KIAA2012: variants seen among roughly 807,000 people sequenced by gnomAD.
KIAA2012 encodes the protein uncharacterized protein KIAA2012.
KIAA2012 carries 125 observed loss-of-function variants against 150.6 expected under a neutral mutation model. That is an observed-to-expected ratio of 0.83 (90% CI 0.72 to 0.96). KIAA2012 has a LOEUF of 0.96. Among genes scored for constraint, KIAA2012 ranks in the 40% least tolerant of loss-of-function variants. The probability of loss-of-function intolerance (pLI) is 0.00; values close to 1 mark genes in which losing one functional copy is unlikely to be tolerated. For missense variants in KIAA2012, 1,219 were observed against 1,354.9 expected (o/e 0.90, Z 1.57); for synonymous variants, 462 against 504.7 (o/e 0.92, Z 1.13).
At chr2:202,136,859 A>G (rs927563276) in intron 12 of KIAA2012, 5 of 152,292 alleles carry the variant, frequency 3.3e-5, no homozygotes, top group Admixed American at 2.6e-4. Context: ...GAGAGTAAGC[A>G]AGGGCTGCTA....
intron 10 of KIAA2012, 63 bp downstream of exon 10, chr2:202,109,852 C>G: frequency 7.2e-7 from 1 of 1,390,950 alleles, no homozygotes; most frequent in Non-Finnish European, 9.6e-7. Context: ...TTGCCAGGGC[C>G]GCATGGCTGC....
chr2:202,093,039 A>G lies in KIAA2012; in HGVS notation c.539A>G (p.Lys180Arg). Residue 180 changes from lysine to arginine, a missense_variant, in exon 4 of 24, where the codon AAG becomes AGG. By Grantham distance (26) the Lys-to-Arg change is conservative. Transcript: ENST00000498697. ...CTGATCTACTCTTCAGGATACATCA[A>G]GGATTCTGTGCTACTCCAGGACAGT... ...MYRLWCAGYI[K>R]DSVLLQDSQL... is the part of the protein sequence containing the mutation. 2 of 1,550,432 alleles carry G rather than the reference A, an allele frequency of 1.3e-6. No homozygotes were observed. Among genetic ancestry groups the G allele is most frequent in the African/African-American group, 1.4e-5 (1 of 73,168 alleles).
At chr2:202,162,562 A>C (rs1691678050) in intron 14 of KIAA2012, among the ~76,000 whole-genome samples, 1 of 147,270 alleles carries the variant, frequency 6.8e-6, no homozygotes, top group Non-Finnish European at 1.5e-5. Context: ...GGTGTGAGCC[A>C]CCACACTTGG....
rs537865435 is a variant in KIAA2012, at chr2:202,153,092, C to G, written c.1909-1581C>G. Among the ~76,000 whole-genome samples, 9 of 152,360 alleles carry G rather than the reference C, an allele frequency of 5.9e-5. No homozygotes were observed. In the East Asian group the frequency reaches 1.5e-3, roughly 26 times the overall value. ...CATACTTCCTGTAAAGGTATCTTCA[C>G]TGCTCCCTCCTCCTTTGAATTGAGG... On this transcript the variant is annotated intron_variant, in intron 13 of 23. Coordinates refer to ENST00000498697, the MANE Select transcript of KIAA2012 (RefSeq NM_001277372.4).
chr2:202,165,405 GAT>G (rs1423945664), intron 15 of KIAA2012, 49 bp downstream of exon 15: 1 of 1,513,258 alleles, frequency 6.6e-7, no homozygotes, highest in South Asian at 1.2e-5. Flanking sequence ...ATAACTGTCA[GAT>G]GAACTTTGCA....
chr2:202,125,567 C>A (rs1690762141), intron 12 of KIAA2012, among the ~76,000 whole-genome samples: 3 of 152,074 alleles, frequency 2.0e-5, no homozygotes, highest in African/African-American at 7.2e-5. Context: ...GCAGGGATGT[C>A]CTGTGGGTCC....
At chr2:202,118,021 G>C (rs967001870) in intron 11 of KIAA2012, among the ~76,000 whole-genome samples, 1 of 152,072 alleles carries the variant, frequency 6.6e-6, no homozygotes, top group Non-Finnish European at 1.5e-5. Context: ...TTTCCCCAAG[G>C]AGATTCTCTC....
chr2:202,143,920 C>A (rs1477740496), intron 13 of KIAA2012, among the ~76,000 whole-genome samples: 1 of 152,154 alleles, frequency 6.6e-6, no homozygotes, highest in Non-Finnish European at 1.5e-5. Context: ...TCTCATCCAT[C>A]CAGATCCATC....
intron 12 of KIAA2012, among the ~76,000 whole-genome samples, chr2:202,132,804 T>TATATA (rs1406217354): frequency 2.6e-4 from 26 of 100,334 alleles, no homozygotes; most frequent in Admixed American, 1.0e-3. Context: ...ATATATATAT[T>TATATA]TTTTTTTTCA....
intron 14 of KIAA2012, among the ~76,000 whole-genome samples, chr2:202,163,781 ATTTTT>A (rs902559663): frequency 1.9e-5 from 2 of 106,360 alleles, no homozygotes; most frequent in South Asian, 3.5e-4. Context: ...TATTCAGGGA[ATTTTT>A]TTTTTTTTTT....
At chr2:202,125,779 C>A in intron 12 of KIAA2012, 1 of 428,160 alleles carries the variant, frequency 2.3e-6, no homozygotes, top group Non-Finnish European at 4.6e-6. Context: ...GAGAGATCTG[C>A]AAAAACTGGG....
intron 22 of KIAA2012, chr2:202,201,890 G>T: frequency 9.2e-7 from 1 of 1,081,326 alleles, no homozygotes; most frequent in Non-Finnish European, 1.4e-6. Flanking sequence ...TGTTCATGGT[G>T]GCTGCAGGTC....
chr2:202,149,771 C>T (rs1019303492), intron 13 of KIAA2012, among the ~76,000 whole-genome samples: 2 of 152,192 alleles, frequency 1.3e-5, no homozygotes, highest in Non-Finnish European at 2.9e-5. Flanking sequence ...TTTAGAATTT[C>T]ATCTCCTTCT....
intron 15 of KIAA2012, among the ~76,000 whole-genome samples, chr2:202,171,847 C>T (rs1352579958): frequency 5.1e-5 from 6 of 116,716 alleles, no homozygotes; most frequent in African/African-American, 1.0e-4. Flanking sequence ...TTGGCATTTA[C>T]TTTTTTTTTT....
chr2:202,177,034 T>A (rs1199701788), intron 15 of KIAA2012, among the ~76,000 whole-genome samples: 1 of 152,120 alleles, frequency 6.6e-6, no homozygotes, highest in South Asian at 2.1e-4. Flanking sequence ...TTGGAAATAA[T>A]CAAAATGGCC....
chr2:202,186,824 C>T, intron 16 of KIAA2012, 109 bp from the exon 17 acceptor site: 1 of 1,034,876 alleles, frequency 9.7e-7, no homozygotes, highest in Non-Finnish European at 1.4e-6. Context: ...TGTCAAATGT[C>T]AGGCACAGTG....
intron 11 of KIAA2012, among the ~76,000 whole-genome samples, chr2:202,120,376 A>C (rs1205933663): frequency 6.6e-6 from 1 of 152,188 alleles, no homozygotes; most frequent in Admixed American, 6.5e-5. Flanking sequence ...ACCTTGTCTC[A>C]AAAAGAGAAA....
intron 11 of KIAA2012, among the ~76,000 whole-genome samples, chr2:202,122,472 T>C (rs1019425946): frequency 7.3e-5 from 11 of 151,050 alleles, no homozygotes; most frequent in Non-Finnish European, 2.9e-5. Context: ...ACAATGCTCA[T>C]CTCCAATCTT....
intron 4 of KIAA2012, among the ~76,000 whole-genome samples, chr2:202,093,566 T>G (rs903471773): frequency 6.6e-6 from 1 of 152,250 alleles, no homozygotes; most frequent in Non-Finnish European, 1.5e-5. Context: ...TTCTTAGATC[T>G]GTTCCACTCT....
Sources: gnomAD v4.1 joint callset for allele counts (sites outside exome capture counted in the v4.1 genomes callset) on GRCh38, gnomAD v4.1.1 for gene constraint, MANE v1.5 for transcripts, NCBI Gene and HGNC (gene_info 2026-07-23, HGNC 2026-07-21) for gene names.